Variants in XKR4 observed in about 807,000 individuals in gnomAD.
XKR4 encodes XK-related protein 4.
A neutral mutation model predicts 53.9 loss-of-function variants in XKR4; 12 were observed. That is an observed-to-expected ratio of 0.22 (90% CI 0.14 to 0.36). The LOEUF is 0.36. XKR4 is among the 10% of genes least tolerant of loss of function. The pLI, the probability that XKR4 is intolerant of heterozygous loss-of-function variation, is 1.00. For missense variants in XKR4, 799 were observed against 859.5 expected, an observed-to-expected ratio of 0.93 and a Z score of 0.88; for synonymous variants, 354 against 362.4, an observed-to-expected ratio of 0.98 and a Z score of 0.26.
At chr8:55,116,463 C>T (rs1156683665) in intron 1 of XKR4, among the ~76,000 whole-genome samples, 1 of 152,148 alleles carries the variant, frequency 6.6e-6, no homozygotes, top group African/African-American at 2.4e-5. Context: ...AATAGGATGG[C>T]TCAGTTTGAT....
chr8:55,297,720 T>C lies in XKR4; in HGVS notation c.807-59958T>C, dbSNP rs868123557. ...CTACTTAGGTACATAGATAATCAAGTAGTTCAAGATACGCCCAAAGGGGGC... is the reference window on the plus strand; with the variant it reads ...CTACTTAGGTACATAGATAATCAAGCAGTTCAAGATACGCCCAAAGGGGGC... On this transcript the variant is annotated intron_variant, in intron 1 of 2. Coordinates refer to ENST00000327381, the MANE Select transcript of XKR4 (RefSeq NM_052898.2). 3.3e-5 allele frequency among the ~76,000 whole-genome samples: 5 copies of C among 152,334 alleles called. No homozygotes were observed. The South Asian group carries it at 1.0e-3, about 32-fold the overall frequency.
At chr8:55,362,274 C>A (rs561283314) in intron 2 of XKR4, among the ~76,000 whole-genome samples, 3 of 152,018 alleles carry the variant, frequency 2.0e-5, no homozygotes, top group African/African-American at 7.2e-5. Flanking sequence ...CATGTGAAAA[C>A]GGGAAAAATA....
intron 2 of XKR4, among the ~76,000 whole-genome samples, chr8:55,371,373 T>A (rs1171312142): frequency 6.6e-6 from 1 of 152,124 alleles, no homozygotes; most frequent in Non-Finnish European, 1.5e-5. Flanking sequence ...GTAATTAGAT[T>A]TATTCCCAAC....
At chr8:55,200,181 C>T (rs1341769752) in intron 1 of XKR4, among the ~76,000 whole-genome samples, 1 of 152,184 alleles carries the variant, frequency 6.6e-6, no homozygotes, top group African/African-American at 2.4e-5. Context: ...GAATCCCCTG[C>T]CTCAGCCTCC....
At chr8:55,269,333 A>G (rs1818655780) in intron 1 of XKR4, among the ~76,000 whole-genome samples, 1 of 152,010 alleles carries the variant, frequency 6.6e-6, no homozygotes, top group African/African-American at 2.4e-5. Flanking sequence ...GAGAGTTGAT[A>G]CCATTGCATA....
chr8:55,450,111 C>G (rs1175849596), intron 2 of XKR4: 8 of 704,066 alleles, frequency 1.1e-5, no homozygotes, highest in Non-Finnish European at 2.1e-5. Flanking sequence ...CCTTCCAGCG[C>G]TTAGCGGGTC....
rs1341274015 is a variant in XKR4 at position 55,457,573 on chromosome 8, TAG to T, written c.1007-65706_1007-65705del. 5.9e-5 allele frequency among the ~76,000 whole-genome samples: 9 copies of T among 152,316 alleles called. No individual in the cohort carries two copies. The East Asian group carries it at 1.5e-3, about 26-fold the overall frequency. The stretch of plus-strand genomic sequence containing the variant: ...AAATGCATTACTAGAAGATTTGACC[TAG>T]AAGCAGCACTAAAGGAAGAACTTTA... On this transcript the variant is annotated intron_variant, in intron 2 of 2. Coordinates refer to ENST00000327381, the MANE Select transcript of XKR4 (RefSeq NM_052898.2).
At chr8:55,279,718 C>T (rs193189822) in intron 1 of XKR4, among the ~76,000 whole-genome samples, 4 of 152,102 alleles carry the variant, frequency 2.6e-5, no homozygotes, top group Non-Finnish European at 5.9e-5. Flanking sequence ...CGCCTCAGCC[C>T]GTCAGCCAGG....
intron 2 of XKR4, among the ~76,000 whole-genome samples, chr8:55,384,127 A>T (rs532591012): frequency 6.6e-6 from 1 of 152,344 alleles, no homozygotes; most frequent in South Asian, 2.1e-4. Context: ...AGAAGGAAAC[A>T]GCACATGGCA....
At chr8:55,400,809 C>T (rs557702738) in intron 2 of XKR4, among the ~76,000 whole-genome samples, 42 of 152,296 alleles carry the variant, frequency 2.8e-4, no homozygotes, top group African/African-American at 9.9e-4. Context: ...CCCTCTTCCA[C>T]GTTGTATTCA....
At chr8:55,191,888 T>C (rs534702080) in intron 1 of XKR4, among the ~76,000 whole-genome samples, 3 of 152,154 alleles carry the variant, frequency 2.0e-5, no homozygotes, top group Non-Finnish European at 4.4e-5. Context: ...TGCCAGCTAC[T>C]TTTCTCCCTC....
chr8:55,301,586 G>A (rs994656105), intron 1 of XKR4, among the ~76,000 whole-genome samples: 18 of 152,158 alleles, frequency 1.2e-4, no homozygotes, highest in Non-Finnish European at 2.2e-4. Flanking sequence ...CTTCCACAAT[G>A]GTGGAACTAG....
intron 2 of XKR4, among the ~76,000 whole-genome samples, chr8:55,514,671 A>G (rs1232640002): frequency 1.3e-5 from 2 of 152,186 alleles, no homozygotes; most frequent in Non-Finnish European, 2.9e-5. Context: ...AAAAGCAACA[A>G]AAAAACAAAC....
chr8:55,260,870 C>G (rs183298753), intron 1 of XKR4, among the ~76,000 whole-genome samples: 2 of 152,166 alleles, frequency 1.3e-5, no homozygotes, highest in African/African-American at 4.8e-5. Flanking sequence ...TGCCTGGTCC[C>G]AGGTAGCCTT....
At position 55,534,599 on chromosome 8, in the gene XKR4, TCTC is replaced by T. The variant is rs1362237252; in HGVS notation, c.*10375_*10377del. 6.6e-6 allele frequency: 1 copy of T among 151,678 alleles called. No individual in the cohort carries two copies. The highest frequency in any genetic ancestry group is 1.9e-4 in the East Asian group (1 of 5,174). 9.4% of individuals were successfully genotyped at this position (151,678 alleles called of 1,614,324 possible). A position where few individuals can be genotyped will look rare whatever the true frequency, so the allele number is the denominator to read the frequency against. On this transcript the variant is annotated 3_prime_UTR_variant, in exon 3 of 3. Coordinates refer to ENST00000327381, the MANE Select transcript of XKR4 (RefSeq NM_052898.2). Reference sequence around the variant, plus strand: ...ACCGTGTTAGCCAGAATGGTCTCGATCTCCTGACCTCGTGATCTGCCCTCCTTG... The same window carrying T: ...ACCGTGTTAGCCAGAATGGTCTCGATCTGACCTCGTGATCTGCCCTCCTTG...
chr8:55,146,885 G>A (rs1816777773), intron 1 of XKR4, among the ~76,000 whole-genome samples: 1 of 152,166 alleles, frequency 6.6e-6, no homozygotes, highest in South Asian at 2.1e-4. Context: ...GTAGGGGAGG[G>A]GGCAGCTGCT....
intron 2 of XKR4, chr8:55,451,096 G>T: frequency 3.9e-6 from 2 of 517,566 alleles, no homozygotes; most frequent in South Asian, 2.0e-5. Flanking sequence ...ACATTCTTGA[G>T]CTGGCCTTTG....
chr8:55,310,933 A>T (rs1407688143), intron 1 of XKR4, among the ~76,000 whole-genome samples: 2 of 152,220 alleles, frequency 1.3e-5, no homozygotes, highest in Non-Finnish European at 2.9e-5. Flanking sequence ...TAGAGAGACC[A>T]CTAAGTCACC....
chr8:55,319,654 T>G (rs1195689734), intron 1 of XKR4, among the ~76,000 whole-genome samples: 1 of 152,170 alleles, frequency 6.6e-6, no homozygotes, highest in African/African-American at 2.4e-5. Context: ...TCAAGGCACA[T>G]CATAAAAAAT....
Sources: gnomAD v4.1 joint callset for allele counts (sites outside exome capture counted in the v4.1 genomes callset) on GRCh38, gnomAD v4.1.1 for gene constraint, MANE v1.5 for transcripts, NCBI Gene and HGNC (gene_info 2026-07-23, HGNC 2026-07-21) for gene names.